ZNF626: variants seen among roughly 807,000 people sequenced by gnomAD.
ZNF626 encodes the protein CTC-513N18.7.
ZNF626 carries 4 observed loss-of-function variants against 11.7 expected under a neutral mutation model. That is an observed-to-expected ratio of 0.34 (90% CI 0.17 to 0.78). The LOEUF is 0.78. ZNF626 is among the 30% of genes least tolerant of loss of function. The probability of loss-of-function intolerance (pLI) is 0.57; values close to 1 mark genes in which losing one functional copy is unlikely to be tolerated. For synonymous variants in ZNF626, 179 were observed against 198.6 expected, an observed-to-expected ratio of 0.90 and a Z score of 0.83; for missense variants, 588 against 587.1, an observed-to-expected ratio of 1.00 and a Z score of -0.01.
chr19:20,623,941 G>T lies in ZNF626; in HGVS notation c.*349C>A. 1 of 384,054 alleles carries T rather than the reference G, an allele frequency of 2.6e-6. No individual in the cohort carries two copies. Among genetic ancestry groups the T allele is most frequent in the Non-Finnish European group, 4.8e-6 (1 of 206,244 alleles). The allele number at this position is 384,054 out of a possible 1,614,324, so 23.8% of individuals were successfully genotyped here. On this transcript the variant is annotated 3_prime_UTR_variant, in exon 4 of 4. Transcript: ENST00000601440. ...ATCTGTCACATTCTTTATATTTGTA[G>T]AGTTTATATTTCATATCAATTCTTA...
intron 3 of ZNF626, among the ~76,000 whole-genome samples, chr19:20,626,342 T>A (rs78225494): frequency 1.3e-5 from 2 of 152,168 alleles, no homozygotes; most frequent in Non-Finnish European, 2.9e-5. Flanking sequence ...TACAAAATAG[T>A]AGAGCAACGT....
At position 20,624,354 on chromosome 19, in the gene ZNF626, GAATT is replaced by G; in HGVS notation, c.1519_1522del (p.Asn507LeufsTer4). The G allele has an allele frequency of 2.4e-5, 35 of 1,431,700 alleles. No individual in the cohort carries two copies. The highest frequency in any genetic ancestry group is 2.2e-4 in the Middle Eastern group (1 of 4,480). The allele number at this position is 1,431,700 out of a possible 1,614,324, so 88.7% of individuals were successfully genotyped here. A position where few individuals can be genotyped will look rare whatever the true frequency, so the allele number is the denominator to read the frequency against. On this transcript the variant is annotated frameshift_variant, in exon 4 of 4. Transcript: ENST00000601440. LOFTEE classifies it low-confidence loss of function (END_TRUNC). ...CTTTGCCACATTCTTCACATTTGTA[GAATT>G]TCTCTCCAGTATGATTCTCTCATGT... is the stretch of plus-strand genomic sequence containing the variant.
chr19:20,630,504 T>C (rs1167696628), intron 3 of ZNF626, among the ~76,000 whole-genome samples: 3 of 152,222 alleles, frequency 2.0e-5, no homozygotes, highest in Non-Finnish European at 4.4e-5. Context: ...TGGTTTAGTC[T>C]TGGGAGGATG....
At chr19:20,626,923 G>T (rs1324576315) in intron 3 of ZNF626, among the ~76,000 whole-genome samples, 2 of 152,054 alleles carry the variant, frequency 1.3e-5, no homozygotes, top group Admixed American at 1.3e-4. Context: ...ACAGAGGCCG[G>T]AGAATTGCTT....
chr19:20,646,201 T>C (rs1014888413), intron 2 of ZNF626, 78 bp downstream of exon 2: 7 of 1,436,434 alleles, frequency 4.9e-6, no homozygotes, highest in Non-Finnish European at 6.5e-6. Context: ...ATGCAAAGAA[T>C]AAATTACTAA....
intron 3 of ZNF626, among the ~76,000 whole-genome samples, chr19:20,644,170 C>A (rs10425311): frequency 0.42 from 63,528 of 151,968 alleles, 14,828 homozygotes; most frequent in African/African-American, 0.63. Context: ...ACTCAGTTTC[C>A]GTTACACGAG....
rs959940971 is a variant in ZNF626, at chr19:20,623,825, C to G, written c.*465G>C. On this transcript the variant is annotated 3_prime_UTR_variant, in exon 4 of 4. Transcript: ENST00000601440. ...CAAAAAAAAAAAAAAAAAGACAGAA[C>G]TTGTTATATGCTTTGCCACATTCTT... 4.0e-6 allele frequency: 1 copy of G among 247,368 alleles called. No homozygotes were observed. The highest frequency in any genetic ancestry group is 2.4e-5 in the African/African-American group (1 of 41,708). 15.3% of individuals were successfully genotyped at this position (247,368 alleles called of 1,614,324 possible).
chr19:20,629,101 G>A lies in ZNF626; in HGVS notation c.227-3451C>T, dbSNP rs137900688. The stretch of plus-strand genomic sequence containing the variant: ...AAAGGTCAGATAGTTGTAGGTAAGC[G>A]GCATTATTTCTGAGGGCTCTGTTCT... On this transcript the variant is annotated intron_variant, in intron 3 of 3. Transcript: ENST00000601440. 4.3e-3 allele frequency among the ~76,000 whole-genome samples: 648 copies of A among 152,198 alleles called. 3 individuals are homozygous for A. The highest frequency in any genetic ancestry group is 4.3e-3 in the Non-Finnish European group (293 of 68,012).
Position 20,622,972 on chromosome 19 carries a change from T to C in ZNF626, c.*1318A>G, listed in dbSNP as rs537845815. ...CTTCTCCAATATAAGTTCTCTGATG[T>C]TGAGCAAAGCTTGAGCAACTGCTTC... On this transcript the variant is annotated 3_prime_UTR_variant, in exon 4 of 4. Transcript: ENST00000601440. 1.3e-5 allele frequency: 2 copies of C among 152,290 alleles called. No individual in the cohort carries two copies. The highest frequency in any genetic ancestry group is 4.8e-5 in the African/African-American group (2 of 41,564). The allele number at this position is 152,290 out of a possible 1,614,324, so 9.4% of individuals were successfully genotyped here. A position where few individuals can be genotyped will look rare whatever the true frequency, so the allele number is the denominator to read the frequency against.
chr19:20,642,403 G>A lies in ZNF626; in HGVS notation c.226+3281C>T, dbSNP rs889984567. The stretch of plus-strand genomic sequence containing the variant: ...TCACAAGGTCAGAAGTTTGAGATTA[G>A]CCTGAACAATATGGTGAAACACCAT... On this transcript the variant is annotated intron_variant, in intron 3 of 3. Transcript: ENST00000601440. Among the ~76,000 whole-genome samples the A allele has an allele frequency of 2.0e-5, 3 of 152,162 alleles. 1 individual carries two copies. The South Asian group carries it at 6.2e-4, about 32-fold the overall frequency.
intron 3 of ZNF626, among the ~76,000 whole-genome samples, chr19:20,628,676 A>G (rs1456844372): frequency 6.6e-6 from 1 of 152,126 alleles, no homozygotes; most frequent in African/African-American, 2.4e-5. Context: ...TAGATTCTGG[A>G]TATTTGCCCT....
chr19:20,629,555 G>A (rs1237904862), intron 3 of ZNF626, among the ~76,000 whole-genome samples: 1 of 152,200 alleles, frequency 6.6e-6, no homozygotes, highest in Non-Finnish European at 1.5e-5. Context: ...TTGTGAATGG[G>A]AGTTTACTCA....
intron 1 of ZNF626, among the ~76,000 whole-genome samples, chr19:20,658,049 G>A (rs7251248): frequency 0.016 from 2,476 of 151,176 alleles, 62 homozygotes; most frequent in African/African-American, 0.057. Context: ...CCCCCATGAC[G>A]TAATTTTAGT....
At chr19:20,643,107 G>T (rs1450713634) in intron 3 of ZNF626, among the ~76,000 whole-genome samples, 1 of 152,052 alleles carries the variant, frequency 6.6e-6, no homozygotes, top group African/African-American at 2.4e-5. Context: ...GGCATGCACT[G>T]TGTAGCAGTA....
intron 3 of ZNF626, among the ~76,000 whole-genome samples, chr19:20,630,794 G>A (rs1371774933): frequency 2.6e-5 from 4 of 152,132 alleles, no homozygotes; most frequent in Admixed American, 1.3e-4. Flanking sequence ...GTTCTGCTCT[G>A]ATCTTAGTTA....
Position 20,620,674 on chromosome 19 carries a change from C to G in ZNF626, c.*3616G>C, listed in dbSNP as rs1032096055. On this transcript the variant is annotated 3_prime_UTR_variant, in exon 4 of 4. Transcript: ENST00000601440. ...GTTCAAGTGATTCTCCTACCTCAGC[C>G]TCCAGGTGTGCGCCACCATGACTGG... The G allele has an allele frequency of 1.3e-5, 2 of 151,708 alleles. No homozygotes were observed. The highest frequency in any genetic ancestry group is 2.9e-5 in the Non-Finnish European group (2 of 67,986). 9.4% of individuals were successfully genotyped at this position (151,708 alleles called of 1,614,324 possible). A position where few individuals can be genotyped will look rare whatever the true frequency, so the allele number is the denominator to read the frequency against.
intron 1 of ZNF626, among the ~76,000 whole-genome samples, chr19:20,652,901 G>A (rs1363515928): frequency 1.3e-5 from 2 of 152,100 alleles, no homozygotes; most frequent in Non-Finnish European, 2.9e-5. Flanking sequence ...CACTACACAC[G>A]TTACTCTACT....
intron 1 of ZNF626, 85 bp from the exon 2 acceptor site, chr19:20,646,490 G>C (rs1970080300): frequency 1.9e-6 from 3 of 1,606,116 alleles, no homozygotes; most frequent in African/African-American, 2.7e-5. Flanking sequence ...AGAGAGTAAA[G>C]AGAACTGGTT....
chr19:20,646,319 C>G lies in ZNF626; in HGVS notation c.90G>C (p.Arg30Ser). 1 of 1,614,088 alleles carries G rather than the reference C, an allele frequency of 6.2e-7. No homozygotes were observed. The highest frequency in any genetic ancestry group is 1.1e-5 in the South Asian group (1 of 91,074). ...TACTGTAGTTCTCTAACATCACATT[C>G]CTATATAAATTCCGCTGTGCAGTGT... Reference protein sequence around the residue: ...CLDTAQRNLYRNVMLENYSNL... With the variant: ...CLDTAQRNLYSNVMLENYSNL... The change falls in exon 2 of 4, where the codon AGG becomes AGC. Residue 30 changes from arginine to serine, a missense_variant. Transcript: ENST00000601440.
Sources: gnomAD v4.1 joint callset for allele counts (sites outside exome capture counted in the v4.1 genomes callset) on GRCh38, gnomAD v4.1.1 for gene constraint, MANE v1.5 for transcripts, NCBI Gene and HGNC (gene_info 2026-07-23, HGNC 2026-07-21) for gene names.